Variants in NUBPL observed in about 807,000 individuals in gnomAD.
NUBPL encodes the protein iron-sulfur cluster transfer protein NUBPL.
In NUBPL, 31 loss-of-function variants were observed where a neutral mutation model predicts 45.7. The observed-to-expected ratio is 0.68, with a 90% confidence interval of 0.51 to 0.92. The LOEUF (loss-of-function observed/expected upper bound fraction) is 0.92, where lower values mean the gene tolerates loss of function less well. NUBPL is among the 40% of genes least tolerant of loss of function. NUBPL has a pLI of 0.00. For missense variants in NUBPL, 401 were observed against 398.7 expected, an observed-to-expected ratio of 1.01 and a Z score of -0.05; for synonymous variants, 144 against 140.9, an observed-to-expected ratio of 1.02 and a Z score of -0.15.
intron 8 of NUBPL, among the ~76,000 whole-genome samples, chr14:31,834,212 T>A (rs999624777): frequency 7.1e-6 from 1 of 141,320 alleles, no homozygotes; most frequent in Non-Finnish European, 1.5e-5. Context: ...GACAGAGTCT[T>A]GCTCTGTCGC....
intron 4 of NUBPL, among the ~76,000 whole-genome samples, chr14:31,619,572 G>T (rs765885313): frequency 2.0e-5 from 3 of 152,136 alleles, no homozygotes; most frequent in South Asian, 4.1e-4. Context: ...TGAAATTCTG[G>T]GTTGAAAATT....
Position 31,562,203 on chromosome 14 carries a change from TCTA to T in NUBPL, c.249_251del (p.Thr84del), listed in dbSNP as rs1377517111. On this transcript the variant is annotated inframe_deletion, in exon 2 of 11. Transcript: ENST00000281081. ...TTCTGGAAAGGGTGGAGTCGGAAAA[TCTA>T]CTACAGCAGGTATTATAGGATATTA... The T allele has an allele frequency of 2.5e-6, 4 of 1,613,708 alleles. No individual in the cohort carries two copies. Among genetic ancestry groups the T allele is most frequent in the East Asian group, 2.2e-5 (1 of 44,880 alleles).
At chr14:31,714,864 A>C (rs1327657102) in intron 6 of NUBPL, 1 of 152,224 alleles carries the variant, frequency 6.6e-6, no homozygotes, top group Non-Finnish European at 1.5e-5. Context: ...TTGCAGCTGC[A>C]GTCATCTTAA....
chr14:31,716,335 C>A, intron 6 of NUBPL, among the ~76,000 whole-genome samples: 1 of 152,294 alleles, frequency 6.6e-6, no homozygotes, highest in African/African-American at 2.4e-5. Context: ...ATCATCATCA[C>A]CATCACCCAG....
chr14:31,729,532 T>C (rs1423229528), intron 6 of NUBPL, among the ~76,000 whole-genome samples: 1 of 152,156 alleles, frequency 6.6e-6, no homozygotes, highest in East Asian at 1.9e-4. Flanking sequence ...TTTATTGGAA[T>C]GTCAAGATTA....
chr14:31,631,421 A>G (rs983332731), intron 4 of NUBPL, among the ~76,000 whole-genome samples: 3 of 152,022 alleles, frequency 2.0e-5, no homozygotes, highest in Non-Finnish European at 2.9e-5. Flanking sequence ...ATTAAGTGCC[A>G]TAGCCACTTG....
At chr14:31,645,784 C>T (rs1288355677) in intron 4 of NUBPL, among the ~76,000 whole-genome samples, 1 of 137,550 alleles carries the variant, frequency 7.3e-6, no homozygotes, top group African/African-American at 2.6e-5. Flanking sequence ...ACCCCCCCCC[C>T]CACATTTTGA....
intron 6 of NUBPL, among the ~76,000 whole-genome samples, chr14:31,780,364 C>T (rs553580170): frequency 4.1e-4 from 63 of 152,034 alleles, no homozygotes; most frequent in Middle Eastern, 3.4e-3. Flanking sequence ...CCACTGTGCC[C>T]GGCTGAGAGA....
At chr14:31,637,877 TA>T (rs2035554100) in intron 4 of NUBPL, among the ~76,000 whole-genome samples, 1 of 152,220 alleles carries the variant, frequency 6.6e-6, no homozygotes, top group South Asian at 2.1e-4. Context: ...TTTGTTGGTT[TA>T]AAGTCTGTTT....
intron 6 of NUBPL, among the ~76,000 whole-genome samples, chr14:31,761,358 T>C (rs1284288658): frequency 6.6e-6 from 1 of 152,154 alleles, no homozygotes; most frequent in Admixed American, 6.6e-5. Context: ...AAATTTTTTG[T>C]GTAGATGAGG....
At chr14:31,795,227 T>C (rs1393508886) in intron 7 of NUBPL, among the ~76,000 whole-genome samples, 12 of 151,222 alleles carry the variant, frequency 7.9e-5, no homozygotes, top group African/African-American at 2.7e-4. Flanking sequence ...TCTTTTTTGA[T>C]TCCATATGAA....
intron 4 of NUBPL, among the ~76,000 whole-genome samples, chr14:31,665,476 A>T (rs988979939): frequency 1.3e-5 from 2 of 152,142 alleles, no homozygotes; most frequent in South Asian, 4.1e-4. Context: ...TAATTTCATT[A>T]TTTACCCAGT....
At chr14:31,845,775 C>A (rs925204953) in intron 8 of NUBPL, 1 of 150,482 alleles carries the variant, frequency 6.6e-6, no homozygotes, top group Non-Finnish European at 1.5e-5. Context: ...ACAAACACTT[C>A]GTTATTTTAG....
At chr14:31,640,431 C>G (rs1446668392) in intron 4 of NUBPL, among the ~76,000 whole-genome samples, 1 of 151,946 alleles carries the variant, frequency 6.6e-6, no homozygotes, top group Non-Finnish European at 1.5e-5. Context: ...AAAACCCTGT[C>G]TCTGCTAAAA....
chr14:31,666,263 A>ATATATTTATATTTATT, intron 4 of NUBPL, among the ~76,000 whole-genome samples: 1 of 111,874 alleles, frequency 8.9e-6, no homozygotes, highest in East Asian at 3.4e-4. Context: ...ATATATATAT[A>ATATATTTATATTTATT]ATTTTATTTT....
intron 10 of NUBPL, among the ~76,000 whole-genome samples, chr14:31,858,170 C>T (rs2040655390): frequency 1.3e-5 from 2 of 152,080 alleles, no homozygotes; most frequent in African/African-American, 4.8e-5. Context: ...GAGAGAGACT[C>T]CTGTTATTAA....
At chr14:31,840,417 C>T (rs1209327202) in intron 8 of NUBPL, among the ~76,000 whole-genome samples, 4 of 151,700 alleles carry the variant, frequency 2.6e-5, no homozygotes, top group African/African-American at 9.7e-5. Flanking sequence ...ACTAGAAATA[C>T]AAAAAAATTA....
intron 6 of NUBPL, among the ~76,000 whole-genome samples, chr14:31,732,961 A>G (rs1566529764): frequency 6.6e-6 from 1 of 152,130 alleles, no homozygotes; most frequent in South Asian, 2.1e-4. Flanking sequence ...AACTTTGCCT[A>G]TCCCAAGCGT....
chr14:31,698,014 T>G (rs1004312180), intron 6 of NUBPL, among the ~76,000 whole-genome samples: 3 of 152,134 alleles, frequency 2.0e-5, no homozygotes, highest in African/African-American at 7.2e-5. Context: ...GTAATAAATA[T>G]TATTGGGGAC....
Sources: gnomAD v4.1 joint callset for allele counts (sites outside exome capture counted in the v4.1 genomes callset) on GRCh38, gnomAD v4.1.1 for gene constraint, MANE v1.5 for transcripts, NCBI Gene and HGNC (gene_info 2026-07-23, HGNC 2026-07-21) for gene names.